Variants in DLG2 observed in about 807,000 individuals in gnomAD.
DLG2 encodes discs large MAGUK scaffold protein 2.
Under a neutral mutation model 132.5 loss-of-function variants are expected in DLG2, and 45 were observed. The observed-to-expected ratio is 0.34, with a 90% confidence interval of 0.27 to 0.44. The LOEUF is 0.44. Ranked by LOEUF, DLG2 falls within the 20% of genes least tolerant of loss-of-function variation. The probability of loss-of-function intolerance (pLI) is 1.00; values close to 1 mark genes in which losing one functional copy is unlikely to be tolerated. For missense variants in DLG2, 1,045 were observed against 1,196.9 expected, an observed-to-expected ratio of 0.87 and a Z score of 1.87; for synonymous variants, 424 against 419.6, an observed-to-expected ratio of 1.01 and a Z score of -0.13.
intron 6 of DLG2, 148 bp downstream of exon 6, chr11:85,111,513 G>T (rs951623987): frequency 6.7e-6 from 4 of 601,134 alleles, no homozygotes; most frequent in Middle Eastern, 8.7e-4. Context: ...ATAATGCAAA[G>T]CTTTCTGAAA....
intron 7 of DLG2, among the ~76,000 whole-genome samples, chr11:84,308,838 C>A (rs2098258360): frequency 6.6e-6 from 1 of 152,214 alleles, no homozygotes; most frequent in Non-Finnish European, 1.5e-5. Context: ...GAGTGCTGGG[C>A]CTGCAGAGCC....
At chr11:85,537,080 G>A (rs2075639006) in intron 3 of DLG2, among the ~76,000 whole-genome samples, 1 of 152,192 alleles carries the variant, frequency 6.6e-6, no homozygotes, top group Non-Finnish European at 1.5e-5. Context: ...ATTGGGTGGG[G>A]ACTTGGAGAA....
chr11:85,471,383 A>G (rs541326687), intron 3 of DLG2, among the ~76,000 whole-genome samples: 3 of 152,348 alleles, frequency 2.0e-5, no homozygotes, highest in South Asian at 4.1e-4. Flanking sequence ...CGACCTATCA[A>G]ATGGAAGGAT....
chr11:83,644,062 C>G (rs1420420616), intron 18 of DLG2, among the ~76,000 whole-genome samples: 1 of 152,068 alleles, frequency 6.6e-6, no homozygotes. Context: ...TGTTTGAGTT[C>G]CCCAATATAC....
chr11:84,838,173 T>A (rs1303820918), intron 6 of DLG2, among the ~76,000 whole-genome samples: 1 of 151,932 alleles, frequency 6.6e-6, no homozygotes, highest in Non-Finnish European at 1.5e-5. Flanking sequence ...ATTATGTACA[T>A]ATTAGAATAT....
chr11:85,045,370 G>A (rs2062239441), intron 6 of DLG2, among the ~76,000 whole-genome samples: 1 of 152,008 alleles, frequency 6.6e-6, no homozygotes, highest in Admixed American at 6.6e-5. Context: ...GTTATTCAAA[G>A]CCTAGGCAGA....
intron 18 of DLG2, among the ~76,000 whole-genome samples, chr11:83,649,086 G>A (rs1171955726): frequency 1.3e-5 from 2 of 152,114 alleles, no homozygotes; most frequent in Non-Finnish European, 2.9e-5. Flanking sequence ...GGCACAACAC[G>A]GGGTTGGGGG....
At chr11:83,987,152 C>G (rs538499949) in intron 11 of DLG2, among the ~76,000 whole-genome samples, 1 of 152,078 alleles carries the variant, frequency 6.6e-6, no homozygotes, top group East Asian at 1.9e-4. Flanking sequence ...ACACGAAGGA[C>G]CTCTTCAAGG....
At chr11:83,859,511 T>C (rs961556039) in intron 16 of DLG2, among the ~76,000 whole-genome samples, 7 of 152,106 alleles carry the variant, frequency 4.6e-5, no homozygotes, top group African/African-American at 7.2e-5. Context: ...AGAGAGATGA[T>C]TTAGGGTATC....
At chr11:83,585,456 TC>T (rs1308792127) in intron 19 of DLG2, among the ~76,000 whole-genome samples, 1 of 152,154 alleles carries the variant, frequency 6.6e-6, no homozygotes, top group Non-Finnish European at 1.5e-5. Flanking sequence ...TCTGAGATTT[TC>T]CCCCTACACA....
intron 7 of DLG2, among the ~76,000 whole-genome samples, chr11:84,457,030 C>T (rs964409687): frequency 2.0e-5 from 3 of 151,102 alleles, no homozygotes; most frequent in Non-Finnish European, 4.5e-5. Flanking sequence ...CAATTTTATC[C>T]AAACTTACTT....
intron 8 of DLG2, among the ~76,000 whole-genome samples, chr11:84,180,353 T>C (rs1468547067): frequency 1.3e-5 from 2 of 151,726 alleles, no homozygotes; most frequent in Non-Finnish European, 1.5e-5. Context: ...CAGAACAAAA[T>C]AACCAATAGA....
chr11:83,833,156 G>C (rs945097845), intron 17 of DLG2, among the ~76,000 whole-genome samples: 1 of 152,202 alleles, frequency 6.6e-6, no homozygotes, highest in Non-Finnish European at 1.5e-5. Context: ...GTGACATGTA[G>C]ACCATGCTTG....
chr11:84,713,832 T>C (rs1034240445), intron 6 of DLG2, among the ~76,000 whole-genome samples: 1 of 152,078 alleles, frequency 6.6e-6, no homozygotes, highest in African/African-American at 2.4e-5. Context: ...AGAGACTTAT[T>C]CCCCAAGATG....
chr11:83,757,456 G>C (rs1262599672), intron 18 of DLG2, among the ~76,000 whole-genome samples: 1 of 152,208 alleles, frequency 6.6e-6, no homozygotes, highest in Non-Finnish European at 1.5e-5. Flanking sequence ...GTGTTAAAGA[G>C]GTGAGCTGGG....
chr11:84,534,524 C>A, intron 7 of DLG2, 46 bp downstream of exon 7: 1 of 1,588,152 alleles, frequency 6.3e-7, no homozygotes. Context: ...CAATTAAGAC[C>A]AACTACTGTC....
chr11:84,393,973 C>T (rs1163233970), intron 7 of DLG2, among the ~76,000 whole-genome samples: 1 of 152,084 alleles, frequency 6.6e-6, no homozygotes, highest in African/African-American at 2.4e-5. Flanking sequence ...GCAACCTCCA[C>T]CTCCTGGGTT....
Position 85,526,969 on chromosome 11 carries a change from C to A in DLG2, c.40+71688G>T, listed in dbSNP as rs571030131. ...TTTCAATGAAAAAATTTAAGGCTCA[C>A]AGGAGACAACCAAAATGTGTATATT... On this transcript the variant is annotated intron_variant, in intron 3 of 27. Transcript: ENST00000376104. 8.9e-4 allele frequency among the ~76,000 whole-genome samples: 136 copies of A among 152,232 alleles called. 1 individual carries two copies. The South Asian group carries it at 0.027, about 30-fold the overall frequency.
chr11:83,507,761 TATATATA>T (rs1565536288), intron 21 of DLG2, among the ~76,000 whole-genome samples: 747 of 12,952 alleles, frequency 0.058, 17 homozygotes, highest in African/African-American at 0.16. Flanking sequence ...ATTTTTATTA[TATATATA>T]TATATATATA....
Sources: gnomAD v4.1 joint callset for allele counts (sites outside exome capture counted in the v4.1 genomes callset) on GRCh38, gnomAD v4.1.1 for gene constraint, MANE v1.5 for transcripts, NCBI Gene and HGNC (gene_info 2026-07-23, HGNC 2026-07-21) for gene names.